The following DNAH9 variants were observed in gnomAD, a reference collection of about 807,000 sequenced individuals.
DNAH9 encodes dynein axonemal heavy chain 9, also known as DNAH9 variant protein.
DNAH9 carries 345 observed loss-of-function variants against 471.6 expected under a neutral mutation model. That is an observed-to-expected ratio of 0.73 (90% CI 0.67 to 0.80). The LOEUF (loss-of-function observed/expected upper bound fraction) is 0.80, where lower values mean the gene tolerates loss of function less well. Among genes scored for constraint, DNAH9 ranks in the 30% least tolerant of loss-of-function variants. DNAH9 has a pLI of 0.00. For synonymous variants in DNAH9, 2,093 were observed against 2,123.6 expected, an observed-to-expected ratio of 0.99 and a Z score of 0.40; for missense variants, 5,407 against 5,609.2, an observed-to-expected ratio of 0.96 and a Z score of 1.15.
chr17:11,732,982 A>G (rs2075292110), intron 28 of DNAH9, among the ~76,000 whole-genome samples: 1 of 152,250 alleles, frequency 6.6e-6, no homozygotes, highest in East Asian at 1.9e-4. Context: ...CTCCAGTCTC[A>G]GAGCCGAGGG....
intron 11 of DNAH9, among the ~76,000 whole-genome samples, chr17:11,646,709 C>A (rs2073398763): frequency 6.6e-6 from 1 of 152,076 alleles, no homozygotes; most frequent in African/African-American, 2.4e-5. Context: ...AGGTCGGGAG[C>A]TCGAGACCAG....
At chr17:11,924,350 C>G (rs740361) in intron 62 of DNAH9, among the ~76,000 whole-genome samples, 1 of 151,858 alleles carries the variant, frequency 6.6e-6, no homozygotes, top group African/African-American at 2.4e-5. Context: ...ATATGCTCTT[C>G]GTCACGGGCA....
rs1326379451 is a variant in DNAH9, at chr17:11,899,924, G to A, written c.11407-2795G>A. ...AAGAGGCCTACAAAAGTTCTTGCCC[G>A]CAGGGAGCTCACAGTCTTGTGGGAG... On this transcript the variant is annotated intron_variant, in intron 59 of 68. Transcript: ENST00000262442. Among the ~76,000 whole-genome samples the A allele has an allele frequency of 3.9e-5, 6 of 152,254 alleles. 1 individual carries two copies. Among genetic ancestry groups the A allele is most frequent in the South Asian group, 4.1e-4 (2 of 4,826 alleles).
chr17:11,887,979 TG>T (rs1302304999), intron 57 of DNAH9, among the ~76,000 whole-genome samples: 2 of 149,358 alleles, frequency 1.3e-5, no homozygotes, highest in African/African-American at 5.0e-5. Flanking sequence ...TAATATTTTA[TG>T]GTTTTTTGTT....
intron 3 of DNAH9, among the ~76,000 whole-genome samples, 169 bp from the exon 4 acceptor site, chr17:11,611,481 G>T (rs924646340): frequency 6.6e-6 from 1 of 152,290 alleles, no homozygotes; most frequent in African/African-American, 2.4e-5. Flanking sequence ...TCAGGCTTTT[G>T]CCCTCACTGG....
chr17:11,842,104 G>A, intron 49 of DNAH9, among the ~76,000 whole-genome samples: 1 of 152,076 alleles, frequency 6.6e-6, no homozygotes. Context: ...AATAAAAAAA[G>A]ATTTTAAAAT....
chr17:11,704,423 C>T lies in DNAH9; in HGVS notation c.5372C>T (p.Ala1791Val), dbSNP rs562664594. 7.2e-4 allele frequency: 1,166 copies of T among 1,613,302 alleles called. 21 individuals carry two copies. The South Asian group carries it at 0.012, about 17-fold the overall frequency. Residue 1791 changes from alanine (A) to valine (V), a missense_variant, in exon 25 of 69, where the codon GCC becomes GTC. Around this residue, in one of 3 missense-constraint regions of DNAH9, gnomAD observed 4,636 missense variants for 4,900.3 expected, o/e 0.95. Transcript: ENST00000262442. ...GATGTGCATGCCCGGGATGTGGTAG[C>T]CAAGATGATTGCTCAGAAGGTGGGT... is the stretch of plus-strand genomic sequence containing the variant. ...TIDVHARDVV[A>V]KMIAQKVDNA...
intron 61 of DNAH9, among the ~76,000 whole-genome samples, chr17:11,920,035 C>CTT (rs1165405913): frequency 8.1e-5 from 11 of 135,948 alleles, no homozygotes; most frequent in African/African-American, 2.2e-4. Context: ...TAAGTTCTTT[C>CTT]TTTTTTTTTT....
intron 46 of DNAH9, 95 bp from the exon 47 acceptor site, chr17:11,822,343 T>C (rs1432420165): frequency 2.8e-6 from 4 of 1,420,230 alleles, no homozygotes; most frequent in Non-Finnish European, 3.9e-6. Context: ...TGCTTCCCAA[T>C]CTTCTGGGAG....
intron 36 of DNAH9, among the ~76,000 whole-genome samples, chr17:11,766,736 G>A (rs895437933): frequency 8.5e-5 from 13 of 152,240 alleles, no homozygotes; most frequent in East Asian, 3.9e-4. Context: ...AGGCCAAGGC[G>A]GGTGGATCAT....
chr17:11,776,171 A>G (rs901289085), intron 38 of DNAH9, among the ~76,000 whole-genome samples: 1 of 152,174 alleles, frequency 6.6e-6, no homozygotes, highest in Non-Finnish European at 1.5e-5. Flanking sequence ...GACCGCAAGT[A>G]GTGGAAAATC....
intron 50 of DNAH9, among the ~76,000 whole-genome samples, chr17:11,865,709 G>T (rs1407560132): frequency 1.8e-3 from 240 of 131,302 alleles, no homozygotes; most frequent in Middle Eastern, 3.6e-3. Context: ...CTTGGAGGCT[G>T]TGTTCGTTTC....
chr17:11,784,640 G>A lies in DNAH9; in HGVS notation c.8061+101G>A, dbSNP rs532119681. On this transcript the variant is annotated intron_variant, in intron 41 of 68. Coordinates refer to ENST00000262442, the MANE Select transcript of DNAH9 (RefSeq NM_001372.4). ...AGCTAATGCCCAGCTCATAGGCACA[G>A]GCAAAGCCACTGTTCATATGTAATC... 2.6e-5 allele frequency: 39 copies of A among 1,521,318 alleles called. No individual in the cohort carries two copies. In the African/African-American group the frequency reaches 4.0e-4, roughly 15 times the overall value. The allele number at this position is 1,521,318 out of a possible 1,614,324, so 94.2% of individuals were successfully genotyped here. A position where few individuals can be genotyped will look rare whatever the true frequency, so the allele number is the denominator to read the frequency against.
At chr17:11,715,594 C>T (rs1037348953) in intron 26 of DNAH9, among the ~76,000 whole-genome samples, 1 of 152,168 alleles carries the variant, frequency 6.6e-6, no homozygotes, top group Non-Finnish European at 1.5e-5. Flanking sequence ...CCCACTGGAA[C>T]CAAACTAAAT....
intron 12 of DNAH9, among the ~76,000 whole-genome samples, chr17:11,649,380 TTTAG>T (rs947370833): frequency 1.3e-5 from 2 of 152,204 alleles, no homozygotes; most frequent in African/African-American, 2.4e-5. Context: ...TTGGCATGTT[TTTAG>T]TTTAATAGAC....
intron 59 of DNAH9, 54 bp from the exon 60 acceptor site, chr17:11,902,665 G>A (rs1973451212): frequency 1.3e-6 from 2 of 1,533,902 alleles, no homozygotes; most frequent in African/African-American, 2.7e-5. Context: ...CCAACACAAT[G>A]CAAATGACAG....
At chr17:11,911,882 C>T (rs1205152948) in intron 61 of DNAH9, among the ~76,000 whole-genome samples, 1 of 150,744 alleles carries the variant, frequency 6.6e-6, no homozygotes, top group Non-Finnish European at 1.5e-5. Context: ...TCTTTACATA[C>T]TGATCTTCTT....
Position 11,719,357 on chromosome 17 carries a change from C to T in DNAH9, c.5576C>T (p.Ser1859Phe), listed in dbSNP as rs1466961835. 5 of 1,614,082 alleles carry T rather than the reference C, an allele frequency of 3.1e-6. No individual in the cohort carries two copies. The South Asian group carries it at 5.5e-5, about 18-fold the overall frequency. The change falls in exon 27 of 69, where the codon TCC (serine) becomes TTC (phenylalanine). Residue 1859 changes from serine (S) to phenylalanine (F), a missense_variant. Ser to Phe is a radical substitution (Grantham distance 155). Around this residue, in one of 3 missense-constraint regions of DNAH9, gnomAD observed 4,636 missense variants for 4,900.3 expected, o/e 0.95. Transcript: ENST00000262442. The part of the protein sequence containing the change: ...TDRCYITLTQ[S>F]LHLTMSGAPA... ...AGGTGCTACATCACCCTCACCCAGT[C>T]CCTGCACCTGACCATGAGTGGGGCT...
At chr17:11,687,393 C>T (rs746710491) in intron 19 of DNAH9, among the ~76,000 whole-genome samples, 2 of 152,126 alleles carry the variant, frequency 1.3e-5, no homozygotes, top group African/African-American at 2.4e-5. Flanking sequence ...GGTAAGCATT[C>T]GGGTAAATGA....
Sources: gnomAD v4.1 joint callset for allele counts (sites outside exome capture counted in the v4.1 genomes callset) on GRCh38, gnomAD v4.1.1 for gene constraint, gnomAD v4.1.1 regional missense constraint, MANE v1.5 for transcripts, NCBI Gene and HGNC (gene_info 2026-07-23, HGNC 2026-07-21) for gene names.